Variants in CTNNA2 observed in about 807,000 individuals in gnomAD.
CTNNA2 encodes catenin alpha 2.
In CTNNA2, 42 loss-of-function variants were observed where a neutral mutation model predicts 101.0. The observed-to-expected ratio is 0.42, with a 90% confidence interval of 0.32 to 0.54. CTNNA2 has a LOEUF of 0.54. CTNNA2 is among the 20% of genes least tolerant of loss of function. The probability of loss-of-function intolerance (pLI) is 0.14; values close to 1 mark genes in which losing one functional copy is unlikely to be tolerated. For synonymous variants in CTNNA2, 450 were observed against 456.4 expected (o/e 0.99, Z 0.18); for missense variants, 871 against 1,223.1 (o/e 0.71, Z 4.29).
At chr2:80,217,435 C>T (rs1708336855) in intron 7 of CTNNA2, among the ~76,000 whole-genome samples, 1 of 152,192 alleles carries the variant, frequency 6.6e-6, no homozygotes, top group South Asian at 2.1e-4. Context: ...CTCAAAGCCT[C>T]AGTTTTGTTA....
chr2:79,398,251 G>A (rs757583940), intron 4 of CTNNA2, among the ~76,000 whole-genome samples: 6 of 152,258 alleles, frequency 3.9e-5, no homozygotes, highest in Middle Eastern at 3.4e-3. Flanking sequence ...CGGACGAGCT[G>A]TAGTAAACTA....
At chr2:80,602,905 CAAG>C (rs1481052843) in intron 15 of CTNNA2, among the ~76,000 whole-genome samples, 7 of 151,936 alleles carry the variant, frequency 4.6e-5, no homozygotes, top group African/African-American at 1.7e-4. Flanking sequence ...TAGAAAAATC[CAAG>C]AAGGTGAGTT....
chr2:80,019,523 C>G (rs985134466), intron 7 of CTNNA2, among the ~76,000 whole-genome samples: 5 of 152,142 alleles, frequency 3.3e-5, no homozygotes, highest in East Asian at 3.8e-4. Flanking sequence ...TTTACTGAAG[C>G]TAACCAGTCA....
intron 9 of CTNNA2, among the ~76,000 whole-genome samples, chr2:80,499,682 G>A (rs377089295): frequency 5.9e-5 from 9 of 152,158 alleles, no homozygotes; most frequent in African/African-American, 1.2e-4. Flanking sequence ...TCAGGCAGGC[G>A]TGGTGGTGAG....
At chr2:80,089,511 A>G (rs1023487810) in intron 7 of CTNNA2, among the ~76,000 whole-genome samples, 28 of 151,554 alleles carry the variant, frequency 1.8e-4, no homozygotes, top group Non-Finnish European at 3.7e-4. Flanking sequence ...CTTCCAACCA[A>G]TTACGCTCAT....
chr2:80,468,976 A>G (rs997237940), intron 9 of CTNNA2, among the ~76,000 whole-genome samples: 1 of 152,156 alleles, frequency 6.6e-6, no homozygotes, highest in Non-Finnish European at 1.5e-5. Context: ...CAGCTCTGCC[A>G]TTCAGTAACT....
chr2:80,558,155 G>T (rs1211017581), intron 12 of CTNNA2, among the ~76,000 whole-genome samples: 1 of 152,180 alleles, frequency 6.6e-6, no homozygotes, highest in Non-Finnish European at 1.5e-5. Context: ...ATAGGAATAA[G>T]TGTCAAGGAA....
chr2:79,852,312 T>G (rs1680782428), intron 3 of CTNNA2, among the ~76,000 whole-genome samples: 1 of 152,218 alleles, frequency 6.6e-6, no homozygotes, highest in Non-Finnish European at 1.5e-5. Context: ...TTAGTTCTCT[T>G]AAGGAGCACA....
At chr2:79,962,434 A>C (rs1343747253) in intron 7 of CTNNA2, among the ~76,000 whole-genome samples, 1 of 152,182 alleles carries the variant, frequency 6.6e-6, no homozygotes, top group Non-Finnish European at 1.5e-5. Context: ...TTAACATATG[A>C]ATTTTGGAGG....
rs1034573662 is a variant in CTNNA2, at chr2:80,046,619, A to G, written c.1056+136822A>G. On this transcript the variant is annotated intron_variant, in intron 7 of 18. Transcript: ENST00000402739. ...AAGCAGCTACTTGTTCTAGCAGAAG[A>G]TGGAGGAACCATTCAGAACCACTCA... Among the ~76,000 whole-genome samples, 9 of 152,304 alleles carry G rather than the reference A, an allele frequency of 5.9e-5. No individual in the cohort carries two copies. The South Asian group carries it at 1.7e-3, about 28-fold the overall frequency.
intron 7 of CTNNA2, among the ~76,000 whole-genome samples, chr2:80,379,032 C>A (rs377102685): frequency 6.6e-6 from 1 of 151,956 alleles, no homozygotes; most frequent in East Asian, 1.9e-4. Context: ...CAGAGAAACT[C>A]TTCTTCTTGA....
chr2:79,466,767 G>T lies in CTNNA2; in HGVS notation c.-134-38287G>T, dbSNP rs141678089. 1.2e-3 allele frequency among the ~76,000 whole-genome samples: 189 copies of T among 152,314 alleles called. 4 individuals are homozygous for T. In the East Asian group the frequency reaches 0.033, roughly 27 times the overall value. On this transcript the variant is annotated intron_variant, in intron 4 of 21. Coordinates refer to the CTNNA2 transcript ENST00000466387. The stretch of plus-strand genomic sequence containing the variant: ...CTGCTGCTGATACCCAGGAGAAAAA[G>T]GTCTGGAGTGGACCTCCAGCAAGCT...
intron 2 of CTNNA2, among the ~76,000 whole-genome samples, chr2:79,683,202 T>G (rs1163391400): frequency 6.6e-6 from 1 of 152,210 alleles, no homozygotes; most frequent in Non-Finnish European, 1.5e-5. Context: ...ACATGCCAGG[T>G]AACTGGTACA....
At chr2:79,288,371 A>G (rs1675683568) in intron 2 of CTNNA2, among the ~76,000 whole-genome samples, 2 of 152,180 alleles carry the variant, frequency 1.3e-5, no homozygotes, top group South Asian at 4.1e-4. Context: ...ATAAAACTAA[A>G]ATGTATTGGA....
intron 2 of CTNNA2, among the ~76,000 whole-genome samples, chr2:79,735,096 A>G (rs1350771370): frequency 6.6e-6 from 1 of 152,090 alleles, no homozygotes; most frequent in African/African-American, 2.4e-5. Context: ...AGAGAGATGG[A>G]CTGAACATCC....
intron 2 of CTNNA2, among the ~76,000 whole-genome samples, chr2:79,654,744 A>C (rs866070955): frequency 6.6e-6 from 1 of 152,192 alleles, no homozygotes; most frequent in South Asian, 2.1e-4. Flanking sequence ...AGATTCATGC[A>C]TATTTTTCAT....
chr2:80,118,758 G>A (rs1045969446), intron 7 of CTNNA2, among the ~76,000 whole-genome samples: 1 of 152,182 alleles, frequency 6.6e-6, no homozygotes, highest in African/African-American at 2.4e-5. Context: ...TTTTTGAGAA[G>A]TAGCAGGCCA....
At chr2:80,128,895 T>G (rs767382215) in intron 7 of CTNNA2, among the ~76,000 whole-genome samples, 1 of 152,184 alleles carries the variant, frequency 6.6e-6, no homozygotes, top group African/African-American at 2.4e-5. Context: ...CTTAACATTA[T>G]GCTTTGCTCC....
Position 79,874,361 on chromosome 2 carries a change from T to C in CTNNA2, c.852+19T>C, listed in dbSNP as rs370189620. ...GTTTGACGTAAGCATCCTGGTGAGG[T>C]ACACAGAGGGGTGGGCACTGGTGTT... is the stretch of plus-strand genomic sequence containing the variant. On this transcript the variant is annotated intron_variant, in intron 6 of 18. Transcript: ENST00000402739. 1 of 1,608,956 alleles carries C rather than the reference T, an allele frequency of 6.2e-7. No homozygotes were observed. Among genetic ancestry groups the C allele is most frequent in the South Asian group, 1.1e-5 (1 of 90,904 alleles).
Sources: allele counts gnomAD v4.1 joint callset (sites outside exome capture counted in the v4.1 genomes callset), GRCh38; gene constraint gnomAD v4.1.1; transcripts MANE v1.5; gene names NCBI Gene and HGNC (gene_info 2026-07-23, HGNC 2026-07-21).